ZNF385B: variants seen among roughly 807,000 people sequenced by gnomAD.
ZNF385B encodes the protein zinc finger protein 385B.
A neutral mutation model predicts 39.2 loss-of-function variants in ZNF385B; 23 were observed. That is an observed-to-expected ratio of 0.59 (90% confidence interval 0.42 to 0.83). The LOEUF (loss-of-function observed/expected upper bound fraction) is 0.83. Among genes scored for constraint, ZNF385B ranks in the 40% least tolerant of loss-of-function variants. ZNF385B has a pLI of 0.00. For synonymous variants in ZNF385B, 205 were observed against 222.6 expected, an observed-to-expected ratio of 0.92 and a Z score of 0.70; for missense variants, 552 against 598.9, an observed-to-expected ratio of 0.92 and a Z score of 0.82.
At chr2:179,479,429 T>C (rs1259222926) in intron 6 of ZNF385B, among the ~76,000 whole-genome samples, 4 of 152,058 alleles carry the variant, frequency 2.6e-5, no homozygotes, top group Non-Finnish European at 4.4e-5. Context: ...AAAAGTAACA[T>C]AAAAGAGAAA....
intron 3 of ZNF385B, among the ~76,000 whole-genome samples, chr2:179,643,235 T>TTGA (rs59097560): frequency 1 from 151,490 of 152,064 alleles, 75,464 homozygotes; most frequent in East Asian, 1. Flanking sequence ...CTTAAATACA[T>TTGA]TGATGATGTC....
intron 3 of ZNF385B, among the ~76,000 whole-genome samples, chr2:179,707,189 C>A (rs952248455): frequency 6.6e-6 from 1 of 152,204 alleles, no homozygotes; most frequent in African/African-American, 2.4e-5. Flanking sequence ...TACTGCACGC[C>A]CGTGGAATTA....
chr2:179,728,769 G>A (rs1701184121), intron 3 of ZNF385B, among the ~76,000 whole-genome samples: 1 of 151,798 alleles, frequency 6.6e-6, no homozygotes, highest in Non-Finnish European at 1.5e-5. Flanking sequence ...ACTGAAGAAC[G>A]AGTAATAGAA....
intron 3 of ZNF385B, among the ~76,000 whole-genome samples, chr2:179,588,144 A>C (rs1424194944): frequency 6.6e-6 from 1 of 151,844 alleles, no homozygotes; most frequent in African/African-American, 2.4e-5. Context: ...GCTGGAGTGC[A>C]GTGGCACCAT....
chr2:179,553,019 G>A (rs1291104696), intron 3 of ZNF385B, among the ~76,000 whole-genome samples: 2 of 149,178 alleles, frequency 1.3e-5, no homozygotes, highest in Non-Finnish European at 3.0e-5. Flanking sequence ...TAGTTTGTAT[G>A]TAGAGGAGCC....
chr2:179,626,529 G>A (rs956127534), intron 3 of ZNF385B, among the ~76,000 whole-genome samples: 1 of 152,098 alleles, frequency 6.6e-6, no homozygotes, highest in South Asian at 2.1e-4. Flanking sequence ...ACCCAGATAC[G>A]TAAATCAAAT....
chr2:179,835,873 A>G (rs1243356515), intron 1 of ZNF385B, among the ~76,000 whole-genome samples: 1 of 152,038 alleles, frequency 6.6e-6, no homozygotes, highest in Admixed American at 6.6e-5. Flanking sequence ...TAAAGTTGTT[A>G]TTATGATTAT....
intron 3 of ZNF385B, among the ~76,000 whole-genome samples, chr2:179,680,918 G>C (rs574536237): frequency 6.6e-6 from 1 of 152,186 alleles, no homozygotes; most frequent in Admixed American, 6.5e-5. Context: ...TATGAACTGA[G>C]ACTCAGAGAT....
rs1685048390 is a variant in ZNF385B, at chr2:179,861,327, C to G, written c.-381G>C. 1 of 151,702 alleles carries G rather than the reference C, an allele frequency of 6.6e-6. No individual in the cohort carries two copies. Among genetic ancestry groups the G allele is most frequent in the South Asian group, 1.9e-4 (1 of 5,322 alleles). 9.4% of individuals were successfully genotyped at this position (151,702 alleles called of 1,614,324 possible). ...CCGGCGCGGCCCCTGAACTGTCCAA[C>G]TCTTGCCCGCGCCGGGCTTAAGCGC... On this transcript the variant is annotated 5_prime_UTR_variant, in exon 1 of 10. Coordinates refer to ENST00000410066, the MANE Select transcript of ZNF385B (RefSeq NM_152520.6).
chr2:179,785,579 C>A (rs1274705018), intron 1 of ZNF385B, among the ~76,000 whole-genome samples: 1 of 152,052 alleles, frequency 6.6e-6, no homozygotes, highest in African/African-American at 2.4e-5. Flanking sequence ...TAATTCTAAT[C>A]CTCATGGATA....
intron 3 of ZNF385B, among the ~76,000 whole-genome samples, chr2:179,704,672 C>G (rs1699454279): frequency 6.6e-6 from 1 of 152,114 alleles, no homozygotes; most frequent in Admixed American, 6.6e-5. Context: ...AGTTATTGAC[C>G]AATGAGCAGA....
chr2:179,467,021 G>A lies in ZNF385B; in HGVS notation c.715+16251C>T, dbSNP rs7566280. 9.7e-3 allele frequency among the ~76,000 whole-genome samples: 1,468 copies of A among 151,082 alleles called. 24 individuals carry two copies. The highest frequency in any genetic ancestry group is 0.033 in the African/African-American group (1,349 of 41,130). On this transcript the variant is annotated intron_variant, in intron 6 of 9. Coordinates refer to ENST00000410066, the MANE Select transcript of ZNF385B (RefSeq NM_152520.6). ...AGAAATTCCACATAGAATGTCCTGT[G>A]GCATTATTTAATTTCCCCTACTCTT... is the stretch of plus-strand genomic sequence containing the variant.
chr2:179,456,105 T>C (rs990370), intron 6 of ZNF385B, among the ~76,000 whole-genome samples: 6,732 of 152,286 alleles, frequency 0.044, 478 homozygotes, highest in African/African-American at 0.15. Flanking sequence ...AAGGCTATCA[T>C]GTTTGTACCT....
intron 5 of ZNF385B, among the ~76,000 whole-genome samples, chr2:179,489,627 C>T (rs948430883): frequency 1.3e-5 from 2 of 152,200 alleles, no homozygotes. Flanking sequence ...ACTGTTTTTA[C>T]TATTACAATG....
intron 3 of ZNF385B, among the ~76,000 whole-genome samples, chr2:179,703,981 G>C (rs1185339379): frequency 6.6e-6 from 1 of 152,188 alleles, no homozygotes; most frequent in East Asian, 1.9e-4. Flanking sequence ...GTCATGCTAA[G>C]TGATTGAATT....
chr2:179,850,470 C>T (rs901316403), intron 1 of ZNF385B, among the ~76,000 whole-genome samples: 1 of 152,186 alleles, frequency 6.6e-6, no homozygotes, highest in African/African-American at 2.4e-5. Context: ...TGATCCCACC[C>T]ACTGAATCTG....
rs374409096 is a variant in ZNF385B, at chr2:179,691,316, C to T, written c.298+78187G>A. On this transcript the variant is annotated intron_variant, in intron 3 of 9. Coordinates refer to ENST00000410066, the MANE Select transcript of ZNF385B (RefSeq NM_152520.6). ...ACAGTGAACATTCTTGAGAAGTTCA[C>T]CCAAGATCTGCTCTGATAAAAAAAA... 1.2e-4 allele frequency among the ~76,000 whole-genome samples: 18 copies of T among 152,180 alleles called. 1 individual carries two copies. Among genetic ancestry groups the T allele is most frequent in the African/African-American group, 4.3e-4 (18 of 41,532 alleles).
At chr2:179,531,859 G>A (rs1317663946) in intron 4 of ZNF385B, among the ~76,000 whole-genome samples, 1 of 152,046 alleles carries the variant, frequency 6.6e-6, no homozygotes, top group Non-Finnish European at 1.5e-5. Context: ...AAAGTTGATA[G>A]CAAAAATATT....
At chr2:179,491,560 G>A (rs1297857147) in intron 5 of ZNF385B, among the ~76,000 whole-genome samples, 1 of 152,062 alleles carries the variant, frequency 6.6e-6, no homozygotes, top group Non-Finnish European at 1.5e-5. Context: ...TCTTAAATAT[G>A]AAATAATGGG....
Sources: gnomAD v4.1 joint callset for allele counts (sites outside exome capture counted in the v4.1 genomes callset) on GRCh38, gnomAD v4.1.1 for gene constraint, MANE v1.5 for transcripts, NCBI Gene and HGNC (gene_info 2026-07-23, HGNC 2026-07-21) for gene names.